Variants in ADGRG4 observed in about 807,000 individuals in gnomAD.
The protein encoded by ADGRG4 is G protein-coupled receptor 112.
ADGRG4 carries 122 observed loss-of-function variants against 126.2 expected under a neutral mutation model. The observed-to-expected ratio is 0.97, with a 90% CI of 0.83 to 1.12. ADGRG4 has a LOEUF of 1.12. Among genes scored for constraint, ADGRG4 ranks in the 50% most tolerant of loss-of-function variants. ADGRG4 has a pLI of 0.00. For missense variants in ADGRG4, 2,481 were observed against 2,251.8 expected, an observed-to-expected ratio of 1.10 and a Z score of -2.06; for synonymous variants, 943 against 838.7, an observed-to-expected ratio of 1.12 and a Z score of -2.15.
intron 15 of ADGRG4, among the ~76,000 whole-genome samples, chrX:136,377,342 A>C (rs2075233936): frequency 9.3e-6 from 1 of 107,567 alleles, no homozygotes; most frequent in African/African-American, 3.4e-5. Flanking sequence ...ACAGGCACGC[A>C]CCACCATGCC....
intron 7 of ADGRG4, among the ~76,000 whole-genome samples, chrX:136,353,122 C>T (rs775785646): frequency 9.0e-5 from 10 of 111,412 alleles, no homozygotes; most frequent in East Asian, 5.6e-4. Context: ...TAACCACATT[C>T]GGGGTTAGGG....
chrX:136,379,337 G>C (rs2075245770), intron 15 of ADGRG4, among the ~76,000 whole-genome samples: 1 of 110,873 alleles, frequency 9.0e-6, no homozygotes, highest in Non-Finnish European at 1.9e-5. Flanking sequence ...TTTCTGTAAA[G>C]GGCAGATAAT....
At chrX:136,313,049 A>G (rs1429267820) in intron 4 of ADGRG4, among the ~76,000 whole-genome samples, 1 of 112,277 alleles carries the variant, frequency 8.9e-6, no homozygotes, top group African/African-American at 3.2e-5. Context: ...ATTTTTTTCC[A>G]TTCACCAGTT....
intron 5 of ADGRG4, among the ~76,000 whole-genome samples, chrX:136,333,447 G>T (rs1006495513): frequency 9.1e-6 from 1 of 110,367 alleles, no homozygotes; most frequent in Non-Finnish European, 1.9e-5. Context: ...TTTTTGTTGG[G>T]TATATCTTTT....
intron 4 of ADGRG4, among the ~76,000 whole-genome samples, chrX:136,315,570 C>G (rs1033171091): frequency 1.8e-5 from 2 of 111,311 alleles, no homozygotes; most frequent in East Asian, 5.7e-4. Context: ...GCAGCCTCAC[C>G]TTGCTCTCAT....
At chrX:136,389,497 A>T (rs1163002157) in intron 16 of ADGRG4, among the ~76,000 whole-genome samples, 1 of 112,131 alleles carries the variant, frequency 8.9e-6, no homozygotes, top group Non-Finnish European at 1.9e-5. Flanking sequence ...GCCAAAATTA[A>T]ACTGCAAACA....
intron 15 of ADGRG4, among the ~76,000 whole-genome samples, chrX:136,385,753 C>T (rs963018666): frequency 2.7e-5 from 3 of 112,154 alleles, no homozygotes; most frequent in African/African-American, 9.7e-5. Flanking sequence ...TTTGTCATAA[C>T]AGGCAATTAA....
intron 13 of ADGRG4, among the ~76,000 whole-genome samples, chrX:136,370,449 A>G (rs1218536631): frequency 8.9e-6 from 1 of 112,287 alleles, no homozygotes; most frequent in Non-Finnish European, 1.9e-5. Context: ...CAAAACAACT[A>G]TTTAGAAGAA....
chrX:136,379,862 A>G (rs1376310146), intron 15 of ADGRG4, among the ~76,000 whole-genome samples: 2 of 111,203 alleles, frequency 1.8e-5, no homozygotes, highest in African/African-American at 6.5e-5. Context: ...TGTAAATGGA[A>G]TAATACCATA....
chrX:136,330,758 A>T (rs781041099), intron 5 of ADGRG4, among the ~76,000 whole-genome samples: 1 of 111,631 alleles, frequency 9.0e-6, no homozygotes, highest in African/African-American at 3.3e-5. Flanking sequence ...AGATGTTTTG[A>T]TACAGGCATG....
At chrX:136,401,991 C>T (rs1231014868) in intron 21 of ADGRG4, among the ~76,000 whole-genome samples, 1 of 112,197 alleles carries the variant, frequency 8.9e-6, no homozygotes, top group African/African-American at 3.2e-5. Flanking sequence ...TAAGCCTTTA[C>T]CTGTGTGGTC....
rs1299892058 is a variant in ADGRG4 at position 136,348,612 on chromosome X, G to T, written c.4906G>T (p.Ala1636Ser). Residue 1636 changes from alanine to serine, a missense_variant, in exon 6 of 26, where the codon GCA (alanine) becomes TCA (serine). Physicochemically the swap from Ala to Ser is moderately conservative, Grantham distance 99. Coordinates refer to ENST00000394143, the MANE Select transcript of ADGRG4 (RefSeq NM_153834.4). ...SSAFTTEMIE[A>S]PSRITPTTFL... The stretch of plus-strand genomic sequence containing the variant: ...TGCTTTCACTACAGAAATGATAGAG[G>T]CACCTTCCAGGATCACACCTACGAC... 8.3e-7 allele frequency: 1 copy of T among 1,210,288 alleles called. No individual in the cohort carries two copies. The highest frequency in any genetic ancestry group is 2.2e-5 in the Admixed American group (1 of 45,784).
rs2075389723 is a variant in ADGRG4, at chrX:136,403,415, T to C, written c.8654+93T>C. 7 of 668,873 alleles carry C rather than the reference T, an allele frequency of 1.0e-5. No individual in the cohort carries two copies. The African/African-American group carries it at 1.3e-4, about 12-fold the overall frequency. The allele number at this position is 668,873 out of a possible 1,213,427, so 55.1% of individuals were successfully genotyped here. A position where few individuals can be genotyped will look rare whatever the true frequency, so the allele number is the denominator to read the frequency against. On this transcript the variant is annotated intron_variant, in intron 22 of 25. Coordinates refer to ENST00000394143, the MANE Select transcript of ADGRG4 (RefSeq NM_153834.4). ...TTGGCCTGGGATTGGTCTTGACCCT[T>C]GGCTTCAGGAAGAAATCAACCTAAG...
rs527929070 is a variant in ADGRG4 at position 136,403,512 on chromosome X, G to A, written c.8654+190G>A. On this transcript the variant is annotated intron_variant, in intron 22 of 25. Transcript: ENST00000394143. ...CCGGGTCCTCTATGACCTTGGGCAA[G>A]TTACCTTACCTTTCAGTTCAATTTC... 4.4e-5 allele frequency among the ~76,000 whole-genome samples: 5 copies of A among 112,493 alleles called. No homozygotes were observed. In the South Asian group the frequency reaches 1.5e-3, roughly 34 times the overall value.
intron 5 of ADGRG4, among the ~76,000 whole-genome samples, chrX:136,342,879 AGT>A (rs58303622): frequency 0.043 from 3,730 of 87,152 alleles, 67 homozygotes; most frequent in East Asian, 0.064. Flanking sequence ...AAGAGAGCTC[AGT>A]GTGTGTGTGT....
intron 15 of ADGRG4, among the ~76,000 whole-genome samples, chrX:136,377,719 A>G (rs767213693): frequency 3.6e-5 from 4 of 111,171 alleles, no homozygotes; most frequent in Non-Finnish European, 7.5e-5. Context: ...TTACGTGGAT[A>G]TCCAGTATTT....
intron 13 of ADGRG4, among the ~76,000 whole-genome samples, chrX:136,365,727 C>T (rs761162030): frequency 1.8e-5 from 2 of 112,150 alleles, no homozygotes; most frequent in Admixed American, 1.9e-4. Flanking sequence ...TCCTTGTAAA[C>T]ACTTATTACT....
chrX:136,338,975 G>T (rs2074963839), intron 5 of ADGRG4, among the ~76,000 whole-genome samples: 1 of 110,882 alleles, frequency 9.0e-6, no homozygotes, highest in South Asian at 3.9e-4. Flanking sequence ...TACCCCTGAG[G>T]CTTCCACCTG....
chrX:136,383,216 T>C (rs750092125), intron 15 of ADGRG4, among the ~76,000 whole-genome samples: 3 of 112,177 alleles, frequency 2.7e-5, no homozygotes, highest in South Asian at 3.7e-4. Flanking sequence ...TGTTCTATCC[T>C]AGTTGTTCTC....
Sources: allele counts gnomAD v4.1 joint callset (sites outside exome capture counted in the v4.1 genomes callset), GRCh38; gene constraint gnomAD v4.1.1; transcripts MANE v1.5; gene names NCBI Gene and HGNC (gene_info 2026-07-23, HGNC 2026-07-21).